PEX1: variants seen among roughly 807,000 people sequenced by gnomAD.
PEX1 encodes the protein peroxisomal ATPase PEX1.
A neutral mutation model predicts 152.5 loss-of-function variants in PEX1; 97 were observed. That is an observed-to-expected ratio of 0.64 (90% CI 0.54 to 0.75). The LOEUF is 0.75. Ranked by LOEUF, PEX1 falls within the 30% of genes least tolerant of loss-of-function variation. PEX1 has a pLI of 0.00. For missense variants in PEX1, 1,357 were observed against 1,516.3 expected, an observed-to-expected ratio of 0.89 and a Z score of 1.74; for synonymous variants, 485 against 531.6, an observed-to-expected ratio of 0.91 and a Z score of 1.21.
At chr7:92,511,511 T>C (rs1343532814) in intron 7 of PEX1, 69 bp downstream of exon 7, 3 of 1,202,002 alleles carry the variant, frequency 2.5e-6, no homozygotes, top group South Asian at 1.3e-5. Context: ...GTATGACAGG[T>C]TGCAAGAACA....
chr7:92,498,122 C>A (rs1320582640), intron 16 of PEX1, among the ~76,000 whole-genome samples: 1 of 151,064 alleles, frequency 6.6e-6, no homozygotes, highest in Non-Finnish European at 1.5e-5. Context: ...AAGGCAACAG[C>A]CTGGCACTTT....
intron 15 of PEX1, 81 bp from the exon 16 acceptor site, chr7:92,499,919 T>C (rs1397487443): frequency 9.5e-6 from 11 of 1,163,254 alleles, no homozygotes; most frequent in African/African-American, 4.7e-5. Flanking sequence ...GATCAATGTA[T>C]AGAAAAAAAA....
chr7:92,489,787 A>G lies in PEX1; in HGVS notation c.3563T>C (p.Leu1188Pro), dbSNP rs771065589. Residue 1188 changes from leucine (L) to proline (P), a missense_variant, in exon 22 of 24, where the codon CTT becomes CCT. Transcript: ENST00000248633. ...CAGTTGATCTCTTTGTTCTTGTGTAAGTTCTTGGCAACCCTCTTGTGAAGC... is the reference window on the plus strand; with the variant it reads ...CAGTTGATCTCTTTGTTCTTGTGTAGGTTCTTGGCAACCCTCTTGTGAAGC... ...RTASQEGCQE[L>P]TQEQRDQLRA... 3 of 1,613,928 alleles carry G rather than the reference A, an allele frequency of 1.9e-6. No individual in the cohort carries two copies. The highest frequency in any genetic ancestry group is 2.5e-6 in the Non-Finnish European group (3 of 1,180,002).
intron 23 of PEX1, among the ~76,000 whole-genome samples, chr7:92,488,468 A>G (rs1018538993): frequency 3.3e-5 from 5 of 152,216 alleles, no homozygotes; most frequent in Non-Finnish European, 4.4e-5. Context: ...TCATTGACCT[A>G]GAATGGTTCC....
rs532965508 is a variant in PEX1, at chr7:92,510,882, C to G, written c.1587+62G>C. ...GCAAGGTGTTACAAGGAACTTCATACTTTATTATCAATCATATGTAACAAA... is the reference window on the plus strand; with the variant it reads ...GCAAGGTGTTACAAGGAACTTCATAGTTTATTATCAATCATATGTAACAAA... On this transcript the variant is annotated intron_variant, in intron 8 of 23. Coordinates refer to ENST00000248633, the MANE Select transcript of PEX1 (RefSeq NM_000466.3). 3.4e-4 allele frequency: 315 copies of G among 920,922 alleles called. 4 individuals carry two copies. In the South Asian group the frequency reaches 4.1e-3, roughly 12 times the overall value. 57.0% of individuals were successfully genotyped at this position (920,922 alleles called of 1,614,324 possible). A position where few individuals can be genotyped will look rare whatever the true frequency, so the allele number is the denominator to read the frequency against.
intron 11 of PEX1, among the ~76,000 whole-genome samples, chr7:92,505,292 A>G (rs917757037): frequency 1.3e-5 from 2 of 151,956 alleles, no homozygotes; most frequent in Non-Finnish European, 2.9e-5. Flanking sequence ...ATGCACCTGT[A>G]GTCCCAATTA....
chr7:92,519,603 T>C (rs1792965224), intron 2 of PEX1, among the ~76,000 whole-genome samples: 1 of 152,202 alleles, frequency 6.6e-6, no homozygotes, highest in Admixed American at 6.5e-5. Context: ...CATCAAGTTA[T>C]GGCTTGATCT....
At chr7:92,513,557 G>A (rs1426699317) in intron 6 of PEX1, among the ~76,000 whole-genome samples, 2 of 152,130 alleles carry the variant, frequency 1.3e-5, no homozygotes, top group African/African-American at 4.8e-5. Flanking sequence ...GGAAAGGAGT[G>A]GACGGGGAAT....
chr7:92,492,873 A>AT, intron 20 of PEX1, 80 bp downstream of exon 20: 1 of 1,128,524 alleles, frequency 8.9e-7, no homozygotes, highest in Non-Finnish European at 1.4e-6. Flanking sequence ...AAAAAATAGC[A>AT]TTTTTTAAGG....
intron 3 of PEX1, among the ~76,000 whole-genome samples, chr7:92,518,502 T>C (rs1044758863): frequency 2.0e-5 from 3 of 152,196 alleles, no homozygotes; most frequent in Admixed American, 1.3e-4. Flanking sequence ...AATCTACTCA[T>C]TTAACATGAA....
At chr7:92,518,282 T>C (rs1792898156) in intron 3 of PEX1, 27 bp from the exon 4 acceptor site, 4 of 1,387,926 alleles carry the variant, frequency 2.9e-6, no homozygotes, top group Non-Finnish European at 4.1e-6. Context: ...AAAAGATCAA[T>C]TCACTTTACA....
intron 21 of PEX1, 75 bp from the exon 22 acceptor site, chr7:92,489,986 A>T: frequency 8.9e-7 from 1 of 1,127,812 alleles, no homozygotes; most frequent in Middle Eastern, 2.3e-4. Context: ...ACCAAATATA[A>T]AAATTAAACA....
At chr7:92,504,020 C>T (rs1305030805) in intron 12 of PEX1, among the ~76,000 whole-genome samples, 1 of 152,044 alleles carries the variant, frequency 6.6e-6, no homozygotes, top group Non-Finnish European at 1.5e-5. Context: ...CTGTAGACCA[C>T]GCTTCCTTTG....
intron 1 of PEX1, among the ~76,000 whole-genome samples, chr7:92,526,942 T>C (rs1793293516): frequency 6.6e-6 from 1 of 152,214 alleles, no homozygotes; most frequent in African/African-American, 2.4e-5. Context: ...ATAAATTCTA[T>C]AAATTTATAT....
At chr7:92,515,927 G>A (rs1792718668) in intron 5 of PEX1, among the ~76,000 whole-genome samples, 1 of 151,690 alleles carries the variant, frequency 6.6e-6, no homozygotes, top group Non-Finnish European at 1.5e-5. Context: ...CTGGGAGGTG[G>A]AGGTTGTAGT....
At chr7:92,506,797 C>T (rs1260480399) in intron 10 of PEX1, 197 bp downstream of exon 10, 7 of 606,358 alleles carry the variant, frequency 1.2e-5, no homozygotes, top group East Asian at 2.9e-5. Context: ...CAGTCTTATT[C>T]GTCATCACTC....
chr7:92,494,330 C>T lies in PEX1; in HGVS notation c.2993G>A (p.Arg998Gln), dbSNP rs61750429. 18 of 1,613,712 alleles carry T rather than the reference C, an allele frequency of 1.1e-5. No individual in the cohort carries two copies. Among genetic ancestry groups the T allele is most frequent in the Non-Finnish European group, 1.4e-5 (16 of 1,179,890 alleles). The change falls in exon 19 of 24, where the codon CGA becomes CAA. Residue 998 changes from arginine (R) to glutamine (Q), a missense_variant. Arg to Gln is a conservative substitution (Grantham distance 43). Coordinates refer to ENST00000248633, the MANE Select transcript of PEX1 (RefSeq NM_000466.3). ...AGGACAGTATACACATTTATCTAGT[C>T]GACCAGGCCTAAGCAGGGCAGGGTC... ...LIDPALLRPG[R>Q]LDKCVYCPPP...
At position 92,517,685 on chromosome 7, in the gene PEX1, T is replaced by C. The variant is rs886062506; in HGVS notation, c.830A>G (p.Gln277Arg). The stretch of plus-strand genomic sequence containing the variant: ...ATTGTCTAGAGGAACAACCTTTGAC[T>C]GCATATTTTTGAATGCATTGATTTC... ...LTEINAFKNM[Q>R]SKVVPLDNIF... The change falls in exon 5 of 24, where the codon CAG becomes CGG. Residue 277 changes from glutamine to arginine, a missense_variant. Physicochemically the swap from Gln to Arg is conservative, Grantham distance 43. Coordinates refer to ENST00000248633, the MANE Select transcript of PEX1 (RefSeq NM_000466.3). 8 of 1,613,622 alleles carry C rather than the reference T, an allele frequency of 5.0e-6. No individual in the cohort carries two copies. The Admixed American group carries it at 8.3e-5, about 17-fold the overall frequency.
chr7:92,519,830 T>A (rs1206155736), intron 2 of PEX1, among the ~76,000 whole-genome samples: 7 of 152,206 alleles, frequency 4.6e-5, no homozygotes. Context: ...TCTTACTTCC[T>A]TTCCCCTTCC....
Sources: allele counts gnomAD v4.1 joint callset (sites outside exome capture counted in the v4.1 genomes callset), GRCh38; gene constraint gnomAD v4.1.1; transcripts MANE v1.5; gene names NCBI Gene and HGNC (gene_info 2026-07-23, HGNC 2026-07-21).